UTRN: variants seen among roughly 807,000 people sequenced by gnomAD.
UTRN encodes the protein utrophin, also known as dystrophin-related protein 1.
A neutral mutation model predicts 463.9 loss-of-function variants in UTRN; 283 were observed. The ratio of observed to expected loss-of-function variants is 0.61; its 90% CI spans 0.55 to 0.67. UTRN has a LOEUF of 0.67. UTRN is among the 30% of genes least tolerant of loss of function. The pLI, the probability that UTRN is intolerant of heterozygous loss-of-function variation, is 0.00. For missense variants in UTRN, 3,922 were observed against 4,084.3 expected (o/e 0.96, Z 1.08); for synonymous variants, 1,442 against 1,431.5 (o/e 1.01, Z -0.17).
intron 69 of UTRN, among the ~76,000 whole-genome samples, chr6:144,830,331 C>T (rs1586750742): frequency 6.6e-6 from 1 of 152,080 alleles, no homozygotes; most frequent in South Asian, 2.1e-4. Context: ...ACTCATTCAC[C>T]CATCCAACAG....
At chr6:144,456,863 A>G (rs1269755864) in intron 19 of UTRN, among the ~76,000 whole-genome samples, 1 of 152,078 alleles carries the variant, frequency 6.6e-6, no homozygotes, top group Non-Finnish European at 1.5e-5. Flanking sequence ...GCCTAAGCAT[A>G]TAAGCCCAGG....
chr6:144,605,344 T>C (rs772637169), intron 51 of UTRN, among the ~76,000 whole-genome samples: 2 of 152,144 alleles, frequency 1.3e-5, no homozygotes, highest in Non-Finnish European at 2.9e-5. Flanking sequence ...ATATCCAGCA[T>C]TGGCATATAA....
chr6:144,473,151 T>C (rs1274104008), intron 23 of UTRN, among the ~76,000 whole-genome samples: 1 of 152,210 alleles, frequency 6.6e-6, no homozygotes, highest in Non-Finnish European at 1.5e-5. Flanking sequence ...CTTTCACATT[T>C]GTCTTTGAAC....
At chr6:144,423,441 A>T (rs1353822887) in intron 4 of UTRN, 108 bp from the exon 5 acceptor site, 2 of 1,085,822 alleles carry the variant, frequency 1.8e-6, no homozygotes, top group Non-Finnish European at 2.7e-6. Context: ...CCTGCCTCTG[A>T]GGGGCCCTGT....
In UTRN at chr6:144,330,951, G is replaced by T. The variant is rs1203872675; in HGVS notation, c.79+39044G>T. 4 of 985,334 alleles carry T rather than the reference G, an allele frequency of 4.1e-6. No homozygotes were observed. In the South Asian group the frequency reaches 1.9e-4, roughly 46 times the overall value. 61.0% of individuals were successfully genotyped at this position (985,334 alleles called of 1,614,324 possible). A position where few individuals can be genotyped will look rare whatever the true frequency, so the allele number is the denominator to read the frequency against. ...AGTCTTAACTACATTTGGAGGACACGCTGAGCCGACGAGAAATGGAAGTGA... is the reference window on the plus strand; with the variant it reads ...AGTCTTAACTACATTTGGAGGACACTCTGAGCCGACGAGAAATGGAAGTGA... On this transcript the variant is annotated intron_variant, in intron 2 of 74. Transcript: ENST00000367545.
chr6:144,584,469 G>A (rs886416817), intron 51 of UTRN, among the ~76,000 whole-genome samples: 3 of 151,960 alleles, frequency 2.0e-5, no homozygotes, highest in Non-Finnish European at 4.4e-5. Flanking sequence ...TTGTTGCTCT[G>A]TTAGCTGCCC....
chr6:144,689,366 C>T (rs1051704531), intron 52 of UTRN, among the ~76,000 whole-genome samples: 2 of 152,214 alleles, frequency 1.3e-5, no homozygotes, highest in African/African-American at 4.8e-5. Flanking sequence ...CAGACTTTCT[C>T]CACTGAGCCC....
chr6:144,493,027 A>G (rs187938359), intron 32 of UTRN, among the ~76,000 whole-genome samples: 107 of 152,358 alleles, frequency 7.0e-4, no homozygotes, highest in Non-Finnish European at 8.7e-4. Context: ...AAAAATATTT[A>G]TATTATCAAG....
At chr6:144,346,959 T>C (rs1777639854) in intron 2 of UTRN, among the ~76,000 whole-genome samples, 1 of 152,138 alleles carries the variant, frequency 6.6e-6, no homozygotes, top group African/African-American at 2.4e-5. Context: ...TCATTTTCAC[T>C]AGATGCTAAC....
At chr6:144,401,967 A>G (rs1390588057) in intron 2 of UTRN, among the ~76,000 whole-genome samples, 1 of 152,226 alleles carries the variant, frequency 6.6e-6, no homozygotes, top group African/African-American at 2.4e-5. Flanking sequence ...GGATGGAGCC[A>G]CACCTTTCTG....
At chr6:144,572,028 T>C (rs1800987327) in intron 50 of UTRN, among the ~76,000 whole-genome samples, 1 of 152,196 alleles carries the variant, frequency 6.6e-6, no homozygotes, top group Admixed American at 6.6e-5. Flanking sequence ...CTTTTTTGTT[T>C]GTTTGTTTTG....
chr6:144,495,508 C>T (rs915462564), intron 33 of UTRN, among the ~76,000 whole-genome samples: 1 of 152,216 alleles, frequency 6.6e-6, no homozygotes, highest in Non-Finnish European at 1.5e-5. Context: ...AGCCCCGGTT[C>T]CCGCTCGCGC....
chr6:144,428,812 A>G lies in UTRN; in HGVS notation c.613A>G (p.Met205Val), dbSNP rs778111431. The G allele has an allele frequency of 1.2e-6, 2 of 1,611,306 alleles. No individual in the cohort carries two copies. Among genetic ancestry groups the G allele is most frequent in the South Asian group, 2.2e-5 (2 of 90,312 alleles). Residue 205 changes from methionine to valine, a missense_variant, in exon 8 of 75, where the codon ATG (methionine) becomes GTG (valine). Physicochemically the swap from Met to Val is conservative, Grantham distance 21 (BLOSUM62 1). Coordinates refer to ENST00000367545, the MANE Select transcript of UTRN (RefSeq NM_007124.3). ...DLFSWDKVVK[M>V]SPIERLEHAF... ...CTTCAGCTGGGATAAAGTTGTCAAA[A>G]TGTCACCAATTGAGAGACTTGAACA...
chr6:144,414,974 A>G (rs113914018), intron 3 of UTRN, among the ~76,000 whole-genome samples: 2,221 of 152,340 alleles, frequency 0.015, 17 homozygotes, highest in Non-Finnish European at 0.022. Context: ...TTGGCCTCCC[A>G]AAGTGCTGGG....
At chr6:144,291,129 A>G (rs947138785) in intron 1 of UTRN, among the ~76,000 whole-genome samples, 1 of 152,092 alleles carries the variant, frequency 6.6e-6, no homozygotes, top group Non-Finnish European at 1.5e-5. Context: ...CCTTCGAACC[A>G]TCTACTGGCT....
intron 64 of UTRN, among the ~76,000 whole-genome samples, chr6:144,801,189 T>A (rs1197659267): frequency 6.6e-6 from 1 of 152,144 alleles, no homozygotes; most frequent in African/African-American, 2.4e-5. Context: ...ATATAGTACA[T>A]CTAAAATTTG....
chr6:144,690,813 C>A (rs1328697252), intron 52 of UTRN, among the ~76,000 whole-genome samples: 1 of 152,098 alleles, frequency 6.6e-6, no homozygotes, highest in African/African-American at 2.4e-5. Context: ...GCCAGGTTCC[C>A]CGGTGGGTGT....
At chr6:144,789,903 C>T (rs1225406602) in intron 62 of UTRN, among the ~76,000 whole-genome samples, 1 of 152,118 alleles carries the variant, frequency 6.6e-6, no homozygotes, top group African/African-American at 2.4e-5. Flanking sequence ...GGTATATTGG[C>T]TTTGGAAAAG....
chr6:144,656,000 C>A (rs559184906), intron 51 of UTRN, among the ~76,000 whole-genome samples: 1 of 151,766 alleles, frequency 6.6e-6, no homozygotes, highest in African/African-American at 2.4e-5. Flanking sequence ...TTCTTGAGTC[C>A]ATTGCTGAGT....
Sources: gnomAD v4.1 joint callset for allele counts (sites outside exome capture counted in the v4.1 genomes callset) on GRCh38, gnomAD v4.1.1 for gene constraint, MANE v1.5 for transcripts, NCBI Gene and HGNC (gene_info 2026-07-23, HGNC 2026-07-21) for gene names.